The following MGST1 variants were observed in gnomAD, a reference collection of about 807,000 sequenced individuals.
MGST1 encodes the protein glutathione S-transferase 12.
Under a neutral mutation model 8.9 loss-of-function variants are expected in MGST1, and 5 were observed. That is an observed-to-expected ratio of 0.56 (90% CI 0.29 to 1.19). The LOEUF (loss-of-function observed/expected upper bound fraction) is 1.19, where lower values mean the gene tolerates loss of function less well. MGST1 is among the 50% of genes most tolerant of loss of function. The pLI is 0.08. For synonymous variants in MGST1, 54 were observed against 67.8 expected (o/e 0.80, Z 1.00); for missense variants, 182 against 187.4 (o/e 0.97, Z 0.17).
At chr12:16,571,553 G>C (rs868213837) in intron 4 of MGST1, among the ~76,000 whole-genome samples, 2 of 152,078 alleles carry the variant, frequency 1.3e-5, no homozygotes, top group Middle Eastern at 3.4e-3. Flanking sequence ...ATATAAACCT[G>C]TTGCCTAGTC....
At chr12:16,530,282 A>C (rs1416334544) in intron 4 of MGST1, among the ~76,000 whole-genome samples, 1 of 152,126 alleles carries the variant, frequency 6.6e-6, no homozygotes, top group African/African-American at 2.4e-5. Context: ...TCTAGTCTGC[A>C]GTTCTTAAGT....
upstream of MGST1, among the ~76,000 whole-genome samples, chr12:16,382,301 T>A (rs1294904657): frequency 6.6e-6 from 1 of 152,208 alleles, no homozygotes; most frequent in Non-Finnish European, 1.5e-5. Flanking sequence ...GATGGTGACA[T>A]ACAGATGGGT....
chr12:16,578,755 T>C (rs912522166), intron 4 of MGST1, among the ~76,000 whole-genome samples: 38 of 151,884 alleles, frequency 2.5e-4, no homozygotes, highest in African/African-American at 8.9e-4. Context: ...GAGGCGGAGT[T>C]TGCAGTGAGC....
At chr12:16,358,204 G>A (rs1591697375) in intron 3 of MGST1, among the ~76,000 whole-genome samples, 1 of 152,232 alleles carries the variant, frequency 6.6e-6, no homozygotes, top group Middle Eastern at 3.4e-3. Flanking sequence ...AAAGCAATAA[G>A]CCAAGATACG....
At chr12:16,464,529 A>G (rs73318779) in intron 4 of MGST1, among the ~76,000 whole-genome samples, 1,769 of 152,348 alleles carry the variant, frequency 0.012, 47 homozygotes, top group African/African-American at 0.04. Flanking sequence ...GGCAAGTGTC[A>G]TGTTCAACCA....
chr12:16,406,116 A>G (rs1488759793), intron 1 of MGST1, among the ~76,000 whole-genome samples: 2 of 152,146 alleles, frequency 1.3e-5, no homozygotes, highest in Non-Finnish European at 2.9e-5. Context: ...CCATCCAAAT[A>G]ACTGGCTATC....
chr12:16,392,729 T>A (rs143849200), intron 1 of MGST1, among the ~76,000 whole-genome samples: 2,590 of 152,296 alleles, frequency 0.017, 80 homozygotes, highest in African/African-American at 0.059. Flanking sequence ...TCTATATCTC[T>A]GTATGTCTCT....
chr12:16,418,327 C>G (rs772427408), intron 1 of MGST1, among the ~76,000 whole-genome samples: 1 of 152,062 alleles, frequency 6.6e-6, no homozygotes, highest in Non-Finnish European at 1.5e-5. Context: ...TTCTTTGCAG[C>G]ATATCCTGCC....
intron 4 of MGST1, among the ~76,000 whole-genome samples, chr12:16,553,692 C>A (rs557534540): frequency 1.3e-5 from 2 of 151,970 alleles, no homozygotes; most frequent in Non-Finnish European, 2.9e-5. Context: ...GACTGGTATG[C>A]AATTAAGGTT....
At chr12:16,403,282 T>C (rs576695804) in intron 1 of MGST1, among the ~76,000 whole-genome samples, 1 of 152,180 alleles carries the variant, frequency 6.6e-6, no homozygotes, top group Non-Finnish European at 1.5e-5. Context: ...AAACACTAAA[T>C]GTGTGAAGTT....
intron 1 of MGST1, among the ~76,000 whole-genome samples, chr12:16,416,265 G>A (rs904760302): frequency 1.3e-5 from 2 of 152,132 alleles, no homozygotes; most frequent in Admixed American, 1.3e-4. Flanking sequence ...TCTGTTATAA[G>A]CTTGTTATTT....
intron 1 of MGST1, among the ~76,000 whole-genome samples, chr12:16,411,996 A>C (rs1940746205): frequency 6.6e-6 from 1 of 152,200 alleles, no homozygotes; most frequent in Non-Finnish European, 1.5e-5. Context: ...TAGCCCATAT[A>C]AAGTGTATAA....
At position 16,401,566 on chromosome 12, in the gene MGST1, G is replaced by T; in HGVS notation, n.778+17962G>T. 8.0e-7 allele frequency: 1 copy of T among 1,249,080 alleles called. No individual in the cohort carries two copies. The highest frequency in any genetic ancestry group is 1.2e-6 in the Non-Finnish European group (1 of 848,840). 77.4% of individuals were successfully genotyped at this position (1,249,080 alleles called of 1,614,324 possible). A position where few individuals can be genotyped will look rare whatever the true frequency, so the allele number is the denominator to read the frequency against. ...AGGATCAGCCATCAAAGTGCGAACA[G>T]GTTGGAGCAATAAGACTCGAAGCGA... On this transcript the variant is annotated intron_variant and non_coding_transcript_variant, in intron 1 of 1. Coordinates refer to the MGST1 transcript ENST00000359720. The surrounding 1 kb of genome is among the most constrained non-coding windows in gnomAD (Gnocchi z 4.3).
intron 4 of MGST1, among the ~76,000 whole-genome samples, chr12:16,556,173 T>A (rs967026176): frequency 2.0e-5 from 3 of 152,244 alleles, no homozygotes; most frequent in African/African-American, 7.2e-5. Flanking sequence ...ACAAGCTTTT[T>A]ATTTTTCCTT....
chr12:16,356,993 A>G (rs1356256011), intron 2 of MGST1, among the ~76,000 whole-genome samples: 1 of 152,222 alleles, frequency 6.6e-6, no homozygotes, highest in Non-Finnish European at 1.5e-5. Flanking sequence ...AACCATACTA[A>G]TAGTCAATGA....
chr12:16,391,559 A>G (rs1037710127), intron 1 of MGST1, among the ~76,000 whole-genome samples: 10 of 151,978 alleles, frequency 6.6e-5, no homozygotes, highest in Non-Finnish European at 1.3e-4. Context: ...TATCCAGTGT[A>G]TTATTGATGC....
At chr12:16,402,986 T>G (rs1444023237) in intron 1 of MGST1, among the ~76,000 whole-genome samples, 2 of 150,668 alleles carry the variant, frequency 1.3e-5, no homozygotes, top group African/African-American at 4.9e-5. Flanking sequence ...ATAAATTATC[T>G]AGTAATTAGA....
rs1181705513 is a variant in MGST1 at position 16,546,873 on chromosome 12, G to T, written n.483-42655G>T. On this transcript the variant is annotated intron_variant and non_coding_transcript_variant, in intron 4 of 4. Transcript: ENST00000538857. The surrounding 1 kb of genome is among the most constrained non-coding windows in gnomAD (Gnocchi z 4.7). ...AAAAGCAAAAAAATGTCATTTTGTG[G>T]TACCAAAATGCAAAACTGGCAATGA... 6.6e-6 allele frequency among the ~76,000 whole-genome samples: 1 copy of T among 151,882 alleles called. No individual in the cohort carries two copies.
rs539412836 is a variant in MGST1, at chr12:16,461,298, G to A, written n.482+77694G>A. 3.3e-5 allele frequency among the ~76,000 whole-genome samples: 5 copies of A among 151,926 alleles called. No homozygotes were observed. In the South Asian group the frequency reaches 1.0e-3, roughly 32 times the overall value. On this transcript the variant is annotated intron_variant and non_coding_transcript_variant, in intron 4 of 4. Transcript: ENST00000538857. ...AATCCATAGATACCCTGAACACTAAGGGGATTTAAATTAATTATTTTTCTG... is the reference window on the plus strand; with the variant it reads ...AATCCATAGATACCCTGAACACTAAAGGGATTTAAATTAATTATTTTTCTG...
Sources: gnomAD v4.1 joint callset for allele counts (sites outside exome capture counted in the v4.1 genomes callset) on GRCh38, gnomAD v4.1.1 for gene constraint, Gnocchi (gnomAD v3.1) non-coding constraint, MANE v1.5 for transcripts, NCBI Gene and HGNC (gene_info 2026-07-23, HGNC 2026-07-21) for gene names.